The following SASS6 variants were observed in gnomAD, a reference collection of about 807,000 sequenced individuals.
The protein encoded by SASS6 is spindle assembly abnormal protein 6 homolog.
Under a neutral mutation model 94.9 loss-of-function variants are expected in SASS6, and 59 were observed. That is an observed-to-expected ratio of 0.62 (90% CI 0.50 to 0.77). SASS6 has a LOEUF of 0.77. Ranked by LOEUF, SASS6 falls within the 30% of genes least tolerant of loss-of-function variation. SASS6 has a pLI of 0.00. For synonymous variants in SASS6, 264 were observed against 270.0 expected (o/e 0.98, Z 0.22); for missense variants, 698 against 734.1 (o/e 0.95, Z 0.57).
rs2101656969 is a variant in SASS6 at position 100,103,204 on chromosome 1, G to A, written c.1546-121C>T. On this transcript the variant is annotated intron_variant, in intron 13 of 16. Transcript: ENST00000287482. ...TAATTAAGAGAGCACTATCTCAGAC[G>A]CCAGTCTTGTTTATCATGCCACACA... The A allele has an allele frequency of 1.9e-5, 11 of 583,458 alleles. No homozygotes were observed. In the South Asian group the frequency reaches 2.0e-4, roughly 11 times the overall value. 36.1% of individuals were successfully genotyped at this position (583,458 alleles called of 1,614,324 possible).
chr1:100,091,553 T>C (rs548078322), intron 14 of SASS6, among the ~76,000 whole-genome samples: 3 of 144,330 alleles, frequency 2.1e-5, no homozygotes, highest in Non-Finnish European at 4.5e-5. Context: ...ACTGGAATTA[T>C]CAGAAAAACC....
chr1:100,092,109 T>C (rs901909642), intron 14 of SASS6, among the ~76,000 whole-genome samples: 2 of 143,664 alleles, frequency 1.4e-5, no homozygotes, highest in Admixed American at 6.9e-5. Context: ...CCCAAAAGGA[T>C]AAAGTCAAAT....
Position 100,122,970 on chromosome 1 carries a change from G to GAA in SASS6, c.206+238_206+239dup, listed in dbSNP as rs35812377. On this transcript the variant is annotated intron_variant, in intron 3 of 16. Transcript: ENST00000287482. The stretch of plus-strand genomic sequence containing the variant: ...GATTTTTATAGAACGTATTCAATGG[G>GAA]AAAAAAAATCAATAAATTCAGCAAA... Among the ~76,000 whole-genome samples the GAA allele has an allele frequency of 9.4e-3, 1,434 of 151,986 alleles. 24 individuals carry two copies. The highest frequency in any genetic ancestry group is 0.058 in the East Asian group (300 of 5,176).
chr1:100,117,437 G>T (rs1224848306), intron 7 of SASS6, among the ~76,000 whole-genome samples: 3 of 151,970 alleles, frequency 2.0e-5, no homozygotes, highest in Non-Finnish European at 4.4e-5. Context: ...TGGACCACGA[G>T]GTCAGGAGTT....
Position 100,121,501 on chromosome 1 carries a change from A to C in SASS6, c.360T>G (p.Pro120=). 6.3e-7 allele frequency: 1 copy of C among 1,598,702 alleles called. No homozygotes were observed. Among genetic ancestry groups the C allele is most frequent in the South Asian group, 1.1e-5 (1 of 88,726 alleles). ...VSPAAILDNS[P]AFLNVVETNP... ...TTGTCTCTACCACATTTAAAAATGCAGGTGAGTTATCCAAAATAGCTGCTG... is the reference window on the plus strand; with the variant it reads ...TTGTCTCTACCACATTTAAAAATGCCGGTGAGTTATCCAAAATAGCTGCTG... The change falls in exon 5 of 17, where the codon CCT becomes CCG. Residue 120 remains proline (P), a synonymous_variant. Transcript: ENST00000287482.
chr1:100,096,309 G>T (rs1652094939), intron 14 of SASS6, among the ~76,000 whole-genome samples: 1 of 152,092 alleles, frequency 6.6e-6, no homozygotes, highest in Non-Finnish European at 1.5e-5. Flanking sequence ...TTCATAAATG[G>T]TACTAAGAAC....
At chr1:100,116,476 T>C (rs952719187) in intron 7 of SASS6, among the ~76,000 whole-genome samples, 11 of 152,194 alleles carry the variant, frequency 7.2e-5, no homozygotes, top group African/African-American at 2.4e-4. Flanking sequence ...TGGTAGTTTC[T>C]GCCAAAGCTA....
chr1:100,118,983 A>G (rs1653976352), intron 7 of SASS6, 35 bp downstream of exon 7: 3 of 1,451,400 alleles, frequency 2.1e-6, no homozygotes, highest in Middle Eastern at 3.7e-4. Context: ...AACAGCAATA[A>G]AAGATATTTT....
intron 14 of SASS6, among the ~76,000 whole-genome samples, chr1:100,102,210 A>T (rs940255255): frequency 6.6e-6 from 1 of 152,194 alleles, no homozygotes; most frequent in African/African-American, 2.4e-5. Flanking sequence ...GTCATATCTT[A>T]TCTGAGATAA....
At chr1:100,100,761 G>T (rs1413600116) in intron 14 of SASS6, among the ~76,000 whole-genome samples, 1 of 152,182 alleles carries the variant, frequency 6.6e-6, no homozygotes, top group East Asian at 1.9e-4. Flanking sequence ...TTTAAAAACT[G>T]TAATTCAAAA....
At chr1:100,116,166 A>G (rs1653790272) in intron 7 of SASS6, among the ~76,000 whole-genome samples, 2 of 152,186 alleles carry the variant, frequency 1.3e-5, no homozygotes, top group East Asian at 1.9e-4. Context: ...TACATGATAG[A>G]TAAGGTGTAT....
At position 100,125,771 on chromosome 1, in the gene SASS6, T is replaced by A. The variant is rs1570712312; in HGVS notation, c.126+111A>T. 5 of 687,292 alleles carry A rather than the reference T, an allele frequency of 7.3e-6. No individual in the cohort carries two copies. The East Asian group carries it at 1.4e-4, about 20-fold the overall frequency. 42.6% of individuals were successfully genotyped at this position (687,292 alleles called of 1,614,324 possible). ...GATTTCCAACAGTTGCAAAATAGCC[T>A]AAAATGTAAAAGCAAAATAAATGCA... is the stretch of plus-strand genomic sequence containing the variant. On this transcript the variant is annotated intron_variant, in intron 2 of 16. Coordinates refer to ENST00000287482, the MANE Select transcript of SASS6 (RefSeq NM_194292.3).
chr1:100,103,162 T>A (rs1652627725), intron 13 of SASS6, 79 bp from the exon 14 acceptor site: 1 of 858,352 alleles, frequency 1.2e-6, no homozygotes, highest in Non-Finnish European at 1.8e-6. Flanking sequence ...GGCATTAGCA[T>A]CTGTTATAAT....
rs564671823 is a variant in SASS6, at chr1:100,122,043, AT to A, written c.311+336del. 1.2e-3 allele frequency among the ~76,000 whole-genome samples: 188 copies of A among 152,366 alleles called. 1 individual carries two copies. The highest frequency in any genetic ancestry group is 2.0e-3 in the Non-Finnish European group (138 of 68,014). ...GATAAAACCAATAAATAAAAGGTTG[AT>A]GGTGAACTTTACAGTAAAAGAATCA... On this transcript the variant is annotated intron_variant, in intron 4 of 16. Coordinates refer to ENST00000287482, the MANE Select transcript of SASS6 (RefSeq NM_194292.3).
intron 3 of SASS6, 40 bp downstream of exon 3, chr1:100,123,170 T>A (rs1209467470): frequency 1.2e-6 from 1 of 842,526 alleles, no homozygotes; most frequent in Non-Finnish European, 2.0e-6. Context: ...TAGAAACTTA[T>A]TTTTTCACTA....
chr1:100,106,034 G>T (rs529108379), intron 12 of SASS6, 131 bp from the exon 13 acceptor site: 19 of 559,504 alleles, frequency 3.4e-5, no homozygotes, highest in Admixed American at 1.2e-4. Flanking sequence ...TCACAGGAGA[G>T]CAATATAGGT....
intron 14 of SASS6, among the ~76,000 whole-genome samples, 200 bp downstream of exon 14, chr1:100,102,755 A>G (rs1281147507): frequency 6.6e-6 from 1 of 152,054 alleles, no homozygotes; most frequent in African/African-American, 2.4e-5. Context: ...TTTAGAAATT[A>G]CAGTGACTCA....
chr1:100,085,285 G>A lies in SASS6; in HGVS notation c.*43C>T. On this transcript the variant is annotated 3_prime_UTR_variant, in exon 17 of 17. Coordinates refer to ENST00000287482, the MANE Select transcript of SASS6 (RefSeq NM_194292.3). ...GTGTTGACATATTTTTTAAGCACCT[G>A]AGTTTCTAAAATACCAATAAAAAGT... The A allele has an allele frequency of 8.2e-7, 1 of 1,224,678 alleles. No homozygotes were observed. The highest frequency in any genetic ancestry group is 1.2e-6 in the Non-Finnish European group (1 of 826,726). 75.9% of individuals were successfully genotyped at this position (1,224,678 alleles called of 1,614,324 possible). A position where few individuals can be genotyped will look rare whatever the true frequency, so the allele number is the denominator to read the frequency against.
At position 100,096,737 on chromosome 1, in the gene SASS6, A is replaced by G. The variant is rs186904617; in HGVS notation, c.1674+6218T>C. On this transcript the variant is annotated intron_variant, in intron 14 of 16. Transcript: ENST00000287482. ...AAAAGATTCAAATAGAAATATCACC[A>G]AAGTGGTATTTTAATATTGATGTTA... is the stretch of plus-strand genomic sequence containing the variant. Among the ~76,000 whole-genome samples the G allele has an allele frequency of 1.0e-3, 158 of 152,378 alleles. 2 individuals carry two copies. The highest frequency in any genetic ancestry group is 3.4e-3 in the Middle Eastern group (1 of 294).
Sources: gnomAD v4.1 joint callset for allele counts (sites outside exome capture counted in the v4.1 genomes callset) on GRCh38, gnomAD v4.1.1 for gene constraint, MANE v1.5 for transcripts, NCBI Gene and HGNC (gene_info 2026-07-23, HGNC 2026-07-21) for gene names.